NALF1: variants seen among roughly 807,000 people sequenced by gnomAD.
The protein encoded by NALF1 is NALCN channel auxiliary factor 1.
In NALF1, 3 loss-of-function variants were observed where a neutral mutation model predicts 48.4. That is an observed-to-expected ratio of 0.06 (90% CI 0.03 to 0.16). The LOEUF (loss-of-function observed/expected upper bound fraction) is 0.16, where lower values mean the gene tolerates loss of function less well. NALF1 is among the 10% of genes least tolerant of loss of function. NALF1 has a pLI of 1.00. For synonymous variants in NALF1, 262 were observed against 245.7 expected, an observed-to-expected ratio of 1.07 and a Z score of -0.62; for missense variants, 526 against 571.5, an observed-to-expected ratio of 0.92 and a Z score of 0.81.
intron 1 of NALF1, among the ~76,000 whole-genome samples, chr13:107,577,603 T>C (rs923880497): frequency 2.0e-5 from 3 of 152,212 alleles, no homozygotes; most frequent in Admixed American, 6.5e-5. Context: ...ATTAGCTCTG[T>C]GATTTAAAGA....
At chr13:107,527,116 G>A (rs1459227119) in intron 1 of NALF1, among the ~76,000 whole-genome samples, 1 of 152,048 alleles carries the variant, frequency 6.6e-6, no homozygotes, top group Non-Finnish European at 1.5e-5. Context: ...TTTTTCTATT[G>A]CCTTAAGTGG....
chr13:107,625,619 T>C (rs1594168265), intron 1 of NALF1, among the ~76,000 whole-genome samples: 2 of 152,252 alleles, frequency 1.3e-5, no homozygotes, highest in Middle Eastern at 6.8e-3. Context: ...TCTTATTTGC[T>C]CCAATATCCA....
chr13:107,546,996 G>C (rs949965777), intron 1 of NALF1, among the ~76,000 whole-genome samples: 47 of 152,218 alleles, frequency 3.1e-4, no homozygotes, highest in African/African-American at 1.1e-3. Flanking sequence ...TACCATCTTA[G>C]GCTGCTCATT....
intron 1 of NALF1, among the ~76,000 whole-genome samples, chr13:107,755,897 T>C (rs770050718): frequency 6.6e-6 from 1 of 152,184 alleles, no homozygotes; most frequent in Non-Finnish European, 1.5e-5. Flanking sequence ...TTTATTTACA[T>C]ACAATCTTAT....
intron 1 of NALF1, among the ~76,000 whole-genome samples, chr13:107,714,126 C>T (rs2138521617): frequency 6.6e-6 from 1 of 152,182 alleles, no homozygotes; most frequent in East Asian, 1.9e-4. Context: ...AATTCAAAAA[C>T]TTTCACTTGT....
At chr13:107,518,226 G>A (rs1417127637) in intron 1 of NALF1, among the ~76,000 whole-genome samples, 1 of 152,122 alleles carries the variant, frequency 6.6e-6, no homozygotes, top group African/African-American at 2.4e-5. Flanking sequence ...GAAAGAAGAG[G>A]AAAGAGGACA....
At chr13:107,352,242 C>T (rs34675125) in intron 1 of NALF1, among the ~76,000 whole-genome samples, 15,410 of 151,914 alleles carry the variant, frequency 0.1, 1,159 homozygotes, top group Non-Finnish European at 0.14. Context: ...TGGTAGTTAG[C>T]GAGGGAAGGA....
chr13:107,856,121 G>T (rs1880435758), intron 1 of NALF1, among the ~76,000 whole-genome samples: 1 of 152,126 alleles, frequency 6.6e-6, no homozygotes, highest in African/African-American at 2.4e-5. Context: ...TGCCCAAGCT[G>T]ATCTCAAACT....
intron 1 of NALF1, among the ~76,000 whole-genome samples, chr13:107,864,926 G>A (rs1045692885): frequency 2.6e-5 from 4 of 152,042 alleles, no homozygotes; most frequent in Admixed American, 1.3e-4. Context: ...CATCATCAAC[G>A]TTTTGCTATT....
chr13:107,808,687 G>C (rs576830105), intron 1 of NALF1, among the ~76,000 whole-genome samples: 1 of 147,182 alleles, frequency 6.8e-6, no homozygotes, highest in East Asian at 2.0e-4. Flanking sequence ...AAAAAAAAAT[G>C]ACTGCTTAGA....
chr13:107,619,958 A>G (rs1254541058), intron 1 of NALF1, among the ~76,000 whole-genome samples: 1 of 152,200 alleles, frequency 6.6e-6, no homozygotes, highest in Non-Finnish European at 1.5e-5. Context: ...TCCCTTATGA[A>G]TAGATTAGGA....
intron 1 of NALF1, among the ~76,000 whole-genome samples, chr13:107,722,239 G>C (rs1222100994): frequency 3.3e-5 from 5 of 151,970 alleles, no homozygotes; most frequent in African/African-American, 1.2e-4. Flanking sequence ...AAGAAAACAA[G>C]GAGAAACCTA....
At chr13:107,842,403 A>C (rs1336124072) in intron 1 of NALF1, among the ~76,000 whole-genome samples, 1 of 152,090 alleles carries the variant, frequency 6.6e-6, no homozygotes, top group Non-Finnish European at 1.5e-5. Context: ...TATGATTATA[A>C]TACAAAATTA....
At position 107,164,836 on chromosome 13, in the gene NALF1, A is replaced by G. The variant is rs1878626709; in HGVS notation, c.*5661T>C. On this transcript the variant is annotated 3_prime_UTR_variant, in exon 3 of 3. Coordinates refer to ENST00000375915, the MANE Select transcript of NALF1 (RefSeq NM_001080396.3). ...TAAGAGATAAGCCAAAGAAATTCAG[A>G]AACTCTGAACAACTTCCAGGAGCAG... The G allele has an allele frequency of 1.3e-5, 2 of 152,224 alleles. No individual in the cohort carries two copies. The highest frequency in any genetic ancestry group is 4.1e-4 in the South Asian group (2 of 4,828). The allele number at this position is 152,224 out of a possible 1,614,324, so 9.4% of individuals were successfully genotyped here.
At chr13:107,581,538 T>C (rs1437173528) in intron 1 of NALF1, among the ~76,000 whole-genome samples, 1 of 152,120 alleles carries the variant, frequency 6.6e-6, no homozygotes, top group Non-Finnish European at 1.5e-5. Flanking sequence ...ACATAAAACC[T>C]TGTGTACTAC....
chr13:107,722,682 G>A (rs1336864588), intron 1 of NALF1, among the ~76,000 whole-genome samples: 3 of 152,116 alleles, frequency 2.0e-5, no homozygotes, highest in Non-Finnish European at 2.9e-5. Context: ...AATCAAACCT[G>A]GGCTATCTCC....
intron 1 of NALF1, among the ~76,000 whole-genome samples, chr13:107,489,968 C>T (rs1470241357): frequency 1.3e-5 from 2 of 152,114 alleles, no homozygotes; most frequent in African/African-American, 2.4e-5. Flanking sequence ...ATGTAGCTAA[C>T]AATCATCTGA....
rs370866128 is a variant in NALF1 at position 107,224,376 on chromosome 13, T to G, written c.916-13621A>C. On this transcript the variant is annotated intron_variant, in intron 1 of 2. Transcript: ENST00000375915. ...CATGTTTACATTCATCAATAAGATA[T>G]GTCATTGTATATACAAATGATACCT... 2.7e-5 allele frequency among the ~76,000 whole-genome samples: 4 copies of G among 150,700 alleles called. 1 individual carries two copies.
intron 1 of NALF1, among the ~76,000 whole-genome samples, chr13:107,473,798 T>C (rs1885136951): frequency 6.6e-6 from 1 of 152,190 alleles, no homozygotes; most frequent in South Asian, 2.1e-4. Flanking sequence ...TAGTTCTTCT[T>C]ATTCTCCCAC....
Sources: gnomAD v4.1 joint callset for allele counts (sites outside exome capture counted in the v4.1 genomes callset) on GRCh38, gnomAD v4.1.1 for gene constraint, MANE v1.5 for transcripts, NCBI Gene and HGNC (gene_info 2026-07-23, HGNC 2026-07-21) for gene names.